PPM1H: variants seen among roughly 807,000 people sequenced by gnomAD.
PPM1H encodes protein phosphatase 1H.
In PPM1H, 27 loss-of-function variants were observed where a neutral mutation model predicts 54.9. The ratio of observed to expected loss-of-function variants is 0.49; its 90% CI spans 0.36 to 0.68. The LOEUF (loss-of-function observed/expected upper bound fraction) is 0.68, where lower values mean the gene tolerates loss of function less well. Among genes scored for constraint, PPM1H ranks in the 30% least tolerant of loss-of-function variants. The pLI is 0.00. For missense variants in PPM1H, 596 were observed against 667.8 expected, an observed-to-expected ratio of 0.89 and a Z score of 1.19; for synonymous variants, 305 against 270.8, an observed-to-expected ratio of 1.13 and a Z score of -1.24.
intron 1 of PPM1H, among the ~76,000 whole-genome samples, chr12:62,902,187 C>T (rs1237971438): frequency 1.3e-5 from 2 of 151,678 alleles, no homozygotes; most frequent in Non-Finnish European, 2.9e-5. Flanking sequence ...ATGGCGAAAC[C>T]CCGTCTCTAC....
At chr12:62,711,368 T>C (rs1240797649) in intron 6 of PPM1H, among the ~76,000 whole-genome samples, 2 of 152,208 alleles carry the variant, frequency 1.3e-5, no homozygotes, top group African/African-American at 4.8e-5. Context: ...GTGGTGGGGA[T>C]TGGCCCAGCT....
intron 4 of PPM1H, among the ~76,000 whole-genome samples, chr12:62,773,456 C>T (rs2076590624): frequency 6.6e-6 from 1 of 152,108 alleles, no homozygotes; most frequent in Admixed American, 6.5e-5. Flanking sequence ...GCCTGGGTGA[C>T]AGACTCAAAC....
chr12:62,737,105 C>T (rs2076353543), intron 5 of PPM1H, among the ~76,000 whole-genome samples: 2 of 151,820 alleles, frequency 1.3e-5, no homozygotes, highest in African/African-American at 4.8e-5. Context: ...GATTCTTCCT[C>T]ACAACGGGAA....
Position 62,801,960 on chromosome 12 carries a change from C to G in PPM1H, c.612G>C (p.Arg204=). ...GCAGGGAGGCTGCCCGGGTCAGAGT[C>G]CGGCTGTTGGCGGGCGTGTTCTCAG... ...EEPENTPANS[R]TLTRAASLRG... Residue 204 remains arginine, a synonymous_variant, in exon 3 of 10, where the codon CGG becomes CGC. Coordinates refer to ENST00000228705, the MANE Select transcript of PPM1H (RefSeq NM_020700.2). 1.2e-6 allele frequency: 2 copies of G among 1,612,690 alleles called. No individual in the cohort carries two copies. The highest frequency in any genetic ancestry group is 1.7e-6 in the Non-Finnish European group (2 of 1,179,132).
At chr12:62,752,618 C>G (rs1398520593) in intron 4 of PPM1H, among the ~76,000 whole-genome samples, 1 of 152,060 alleles carries the variant, frequency 6.6e-6, no homozygotes, top group Non-Finnish European at 1.5e-5. Context: ...CCAAGCATAT[C>G]CATAATTTTT....
intron 4 of PPM1H, among the ~76,000 whole-genome samples, chr12:62,765,469 G>A (rs1185742213): frequency 1.3e-5 from 2 of 152,156 alleles, no homozygotes; most frequent in Non-Finnish European, 2.9e-5. Flanking sequence ...AGCCTGCAAT[G>A]GTATCAACGC....
chr12:62,732,650 C>A (rs896710093), intron 5 of PPM1H, among the ~76,000 whole-genome samples: 1 of 151,014 alleles, frequency 6.6e-6, no homozygotes, highest in African/African-American at 2.4e-5. Flanking sequence ...CAGCTCACTG[C>A]AAGTTCTGCC....
chr12:62,801,674 A>G lies in PPM1H; in HGVS notation c.756+142T>C, dbSNP rs568314644. 1.5e-5 allele frequency: 13 copies of G among 853,910 alleles called. No homozygotes were observed. In the African/African-American group the frequency reaches 2.1e-4, roughly 14 times the overall value. The allele number at this position is 853,910 out of a possible 1,614,324, so 52.9% of individuals were successfully genotyped here. A position where few individuals can be genotyped will look rare whatever the true frequency, so the allele number is the denominator to read the frequency against. Reference sequence around the variant, plus strand: ...TGCTGCCAATTTCTATTGGGAATGGAAGCCCCATTATCACAGGGGGCCGTC... The same window carrying G: ...TGCTGCCAATTTCTATTGGGAATGGGAGCCCCATTATCACAGGGGGCCGTC... On this transcript the variant is annotated intron_variant, in intron 3 of 9. Coordinates refer to ENST00000228705, the MANE Select transcript of PPM1H (RefSeq NM_020700.2).
At chr12:62,827,476 C>G (rs1403460299) in intron 2 of PPM1H, among the ~76,000 whole-genome samples, 1 of 152,168 alleles carries the variant, frequency 6.6e-6, no homozygotes, top group East Asian at 1.9e-4. Flanking sequence ...CTTCCCAAGT[C>G]AGCCTTCCCA....
chr12:62,741,907 T>C (rs1204623830), intron 4 of PPM1H, among the ~76,000 whole-genome samples: 2 of 152,100 alleles, frequency 1.3e-5, no homozygotes, highest in Admixed American at 6.5e-5. Context: ...CTTTTCTTAG[T>C]AGCAATATTA....
chr12:62,890,845 C>T (rs1410828628), intron 1 of PPM1H, among the ~76,000 whole-genome samples: 2 of 152,056 alleles, frequency 1.3e-5, no homozygotes, highest in African/African-American at 4.8e-5. Context: ...CGTGGTGACT[C>T]ATGCCTGTAA....
chr12:62,755,695 G>A (rs1450832988), intron 4 of PPM1H: 6 of 678,978 alleles, frequency 8.8e-6, no homozygotes, highest in Non-Finnish European at 1.6e-5. Context: ...CAACTGCTTA[G>A]TGCCTCTGGC....
intron 4 of PPM1H, chr12:62,755,312 T>A (rs1226320018): frequency 1.8e-6 from 2 of 1,113,906 alleles, no homozygotes; most frequent in Non-Finnish European, 2.7e-6. Flanking sequence ...AAAGTGGATA[T>A]TGTTGCCATC....
chr12:62,922,799 C>T (rs987847278), intron 1 of PPM1H, among the ~76,000 whole-genome samples: 1 of 152,174 alleles, frequency 6.6e-6, no homozygotes, highest in Non-Finnish European at 1.5e-5. Flanking sequence ...ATGGAAAACA[C>T]AGTGATGTCT....
At chr12:62,716,638 C>T (rs1350323156) in intron 6 of PPM1H, among the ~76,000 whole-genome samples, 2 of 152,158 alleles carry the variant, frequency 1.3e-5, no homozygotes, top group African/African-American at 2.4e-5. Context: ...GCAATCCTTC[C>T]ACCTCAGCCT....
chr12:62,728,215 A>G (rs1197930868), intron 5 of PPM1H, among the ~76,000 whole-genome samples: 7 of 152,196 alleles, frequency 4.6e-5, no homozygotes, highest in Non-Finnish European at 4.4e-5. Flanking sequence ...TAGGGACTCT[A>G]AAGAGCACAG....
intron 9 of PPM1H, 52 bp from the exon 10 acceptor site, chr12:62,648,688 C>G: frequency 6.3e-7 from 1 of 1,583,596 alleles, no homozygotes; most frequent in Middle Eastern, 1.9e-4. Context: ...AGACAGAAGC[C>G]AGGGTCAAGT....
At chr12:62,690,700 G>A (rs368090922) in intron 7 of PPM1H, among the ~76,000 whole-genome samples, 104 of 152,320 alleles carry the variant, frequency 6.8e-4, no homozygotes, top group African/African-American at 2.3e-3. Flanking sequence ...GGCCACGTGC[G>A]GTGGCTCTTG....
chr12:62,720,626 G>C (rs1410370801), intron 5 of PPM1H: 1 of 233,686 alleles, frequency 4.3e-6, no homozygotes, highest in Non-Finnish European at 8.5e-6. Flanking sequence ...GGGTGAGAAA[G>C]CTCCCTGACG....
Sources: gnomAD v4.1 joint callset for allele counts (sites outside exome capture counted in the v4.1 genomes callset) on GRCh38, gnomAD v4.1.1 for gene constraint, MANE v1.5 for transcripts, NCBI Gene and HGNC (gene_info 2026-07-23, HGNC 2026-07-21) for gene names.